Variants in GPR176 observed in about 807,000 individuals in gnomAD.
GPR176 encodes the protein G-protein coupled receptor 176.
A neutral mutation model predicts 35.4 loss-of-function variants in GPR176; 26 were observed. That is an observed-to-expected ratio of 0.74 (90% CI 0.54 to 1.02). The LOEUF (loss-of-function observed/expected upper bound fraction) is 1.02, where lower values mean the gene tolerates loss of function less well. GPR176 is among the 50% of genes least tolerant of loss of function. The pLI is 0.00. For synonymous variants in GPR176, 278 were observed against 271.3 expected, an observed-to-expected ratio of 1.02 and a Z score of -0.24; for missense variants, 597 against 665.3, an observed-to-expected ratio of 0.90 and a Z score of 1.13.
Position 39,800,894 on chromosome 15 carries a change from A to G in GPR176, c.*238T>C. The stretch of plus-strand genomic sequence containing the variant: ...CTGCCCAGCTCTTGTCCCCACAGAG[A>G]ATAATGTGGACTTCACTAAGGACAT... On this transcript the variant is annotated 3_prime_UTR_variant, in exon 3 of 3. Transcript: ENST00000561100. The G allele has an allele frequency of 2.2e-6, 1 of 457,762 alleles. No homozygotes were observed. Among genetic ancestry groups the G allele is most frequent in the Non-Finnish European group, 4.0e-6 (1 of 252,870 alleles). 28.4% of individuals were successfully genotyped at this position (457,762 alleles called of 1,614,324 possible).
intron 1 of GPR176, among the ~76,000 whole-genome samples, chr15:39,825,311 T>C (rs1900563953): frequency 1.3e-5 from 2 of 152,226 alleles, no homozygotes; most frequent in Non-Finnish European, 2.9e-5. Context: ...TTTTCATACA[T>C]GTCTCTGTGA....
In GPR176 at chr15:39,878,543, A is replaced by C. The variant is rs941305572; in HGVS notation, c.172+41312T>G. On this transcript the variant is annotated intron_variant, in intron 1 of 2. Transcript: ENST00000561100. ...TTCATCTGTCTACAGACACAGGTTG[A>C]CTCTATATCTTGACTACTGTGAATA... 4.6e-5 allele frequency among the ~76,000 whole-genome samples: 7 copies of C among 151,716 alleles called. No homozygotes were observed. The South Asian group carries it at 1.5e-3, about 32-fold the overall frequency.
At chr15:39,919,830 C>T (rs77245879) in intron 1 of GPR176, 25 bp downstream of exon 1, 22 of 1,380,056 alleles carry the variant, frequency 1.6e-5, no homozygotes, top group Non-Finnish European at 1.9e-5. Flanking sequence ...AGGCCCGGTC[C>T]GGAGGCGCCC....
chr15:39,890,235 A>G (rs1724672624), intron 1 of GPR176, among the ~76,000 whole-genome samples: 1 of 152,220 alleles, frequency 6.6e-6, no homozygotes, highest in South Asian at 2.1e-4. Flanking sequence ...TTCTGTGAAC[A>G]TAAAGGCAGG....
chr15:39,829,819 GT>G (rs1900946909), intron 1 of GPR176, among the ~76,000 whole-genome samples: 1 of 152,048 alleles, frequency 6.6e-6, no homozygotes, highest in Admixed American at 6.6e-5. Context: ...GAGTACAACA[GT>G]TTTTTTCTCT....
intron 1 of GPR176, among the ~76,000 whole-genome samples, chr15:39,872,833 C>T (rs553225718): frequency 6.6e-6 from 1 of 152,106 alleles, no homozygotes; most frequent in African/African-American, 2.4e-5. Flanking sequence ...ACCCAAACAC[C>T]TCCCACCAAG....
chr15:39,816,022 A>G (rs1164885315), intron 1 of GPR176, among the ~76,000 whole-genome samples: 2 of 152,228 alleles, frequency 1.3e-5, no homozygotes, highest in East Asian at 3.8e-4. Context: ...GGAGGAGATT[A>G]TATTACATGA....
chr15:39,834,788 G>A (rs1324094942), intron 1 of GPR176, among the ~76,000 whole-genome samples: 1 of 152,104 alleles, frequency 6.6e-6, no homozygotes, highest in African/African-American at 2.4e-5. Context: ...GGCTGGTTAG[G>A]GCAGTGGTGG....
At chr15:39,896,131 T>G (rs1349247226) in intron 1 of GPR176, among the ~76,000 whole-genome samples, 1 of 152,224 alleles carries the variant, frequency 6.6e-6, no homozygotes, top group Non-Finnish European at 1.5e-5. Flanking sequence ...CGTAGCTCAC[T>G]GTAGCCTGGA....
chr15:39,802,963 T>C (rs1364327783), intron 2 of GPR176, among the ~76,000 whole-genome samples: 3 of 152,198 alleles, frequency 2.0e-5, no homozygotes, highest in Non-Finnish European at 4.4e-5. Flanking sequence ...TTTGTTAAAA[T>C]CAGATGAGAC....
At chr15:39,918,915 C>G (rs2033798593) in intron 1 of GPR176, among the ~76,000 whole-genome samples, 1 of 152,192 alleles carries the variant, frequency 6.6e-6, no homozygotes, top group African/African-American at 2.4e-5. Context: ...TACTTTGAAA[C>G]TTTACGACTG....
intron 1 of GPR176, among the ~76,000 whole-genome samples, chr15:39,892,679 G>T (rs2032920743): frequency 6.6e-6 from 1 of 152,212 alleles, no homozygotes; most frequent in Non-Finnish European, 1.5e-5. Flanking sequence ...ACAGAGGCAG[G>T]GACTGGAGTG....
intron 1 of GPR176, among the ~76,000 whole-genome samples, chr15:39,916,951 G>C (rs2033741401): frequency 6.6e-6 from 1 of 152,158 alleles, no homozygotes; most frequent in Non-Finnish European, 1.5e-5. Flanking sequence ...AGATGTGTTT[G>C]AATGGGACAA....
intron 1 of GPR176, among the ~76,000 whole-genome samples, chr15:39,848,288 G>C (rs1009141826): frequency 2.6e-5 from 4 of 152,122 alleles, no homozygotes; most frequent in African/African-American, 9.6e-5. Flanking sequence ...AATCCTAAAT[G>C]TATATGCATC....
chr15:39,850,624 C>T (rs888704167), intron 1 of GPR176, among the ~76,000 whole-genome samples: 1 of 151,942 alleles, frequency 6.6e-6, no homozygotes, highest in African/African-American at 2.4e-5. Context: ...CAGAAGGCTC[C>T]TTGTGGTGAT....
intron 1 of GPR176, among the ~76,000 whole-genome samples, chr15:39,815,833 G>C (rs1038482495): frequency 6.6e-6 from 1 of 151,236 alleles, no homozygotes; most frequent in African/African-American, 2.4e-5. Flanking sequence ...GTATCTAAAA[G>C]AGATATCTAC....
At chr15:39,906,511 CCTGT>C (rs1216918833) in intron 1 of GPR176, among the ~76,000 whole-genome samples, 1 of 152,232 alleles carries the variant, frequency 6.6e-6, no homozygotes, top group Non-Finnish European at 1.5e-5. Flanking sequence ...ATACTTTTGA[CCTGT>C]CTAAGACCCA....
chr15:39,899,253 A>G (rs2033205836), intron 1 of GPR176, among the ~76,000 whole-genome samples: 1 of 152,192 alleles, frequency 6.6e-6, no homozygotes, highest in Non-Finnish European at 1.5e-5. Context: ...TTGCCTGTTG[A>G]CTGAGAGGCA....
intron 1 of GPR176, among the ~76,000 whole-genome samples, chr15:39,828,615 C>A (rs1287293505): frequency 1.3e-5 from 2 of 152,168 alleles, no homozygotes; most frequent in Admixed American, 6.5e-5. Flanking sequence ...GACGTGGTTT[C>A]TTTTGATTCA....
Sources: gnomAD v4.1 joint callset for allele counts (sites outside exome capture counted in the v4.1 genomes callset) on GRCh38, gnomAD v4.1.1 for gene constraint, MANE v1.5 for transcripts, NCBI Gene and HGNC (gene_info 2026-07-23, HGNC 2026-07-21) for gene names.